The following SEC14L4 variants were observed in gnomAD, a reference collection of about 807,000 sequenced individuals.
SEC14L4 encodes SEC14 like lipid binding 4, also known as SEC14-like protein 4.
In SEC14L4, 42 loss-of-function variants were observed where a neutral mutation model predicts 55.1. The observed-to-expected ratio is 0.76, with a 90% CI of 0.60 to 0.99. The LOEUF is 0.99. SEC14L4 is among the 50% of genes least tolerant of loss of function. The probability of loss-of-function intolerance (pLI) is 0.00; values close to 1 mark genes in which losing one functional copy is unlikely to be tolerated. For missense variants in SEC14L4, 445 were observed against 512.1 expected (o/e 0.87, Z 1.27); for synonymous variants, 206 against 206.8 (o/e 1.00, Z 0.03).
chr22:30,498,979 C>T (rs796704101), intron 2 of SEC14L4, among the ~76,000 whole-genome samples: 22 of 151,856 alleles, frequency 1.4e-4, no homozygotes, highest in African/African-American at 5.1e-4. Flanking sequence ...CTCGCTCTGT[C>T]GCCCAGGCTG....
chr22:30,490,277 C>G, intron 11 of SEC14L4, 31 bp from the exon 12 acceptor site: 1 of 1,608,950 alleles, frequency 6.2e-7, no homozygotes, highest in Non-Finnish European at 8.5e-7. Flanking sequence ...TCAGGGAGCA[C>G]AAACCCCGCA....
chr22:30,494,515 G>C (rs1232818139), intron 6 of SEC14L4, among the ~76,000 whole-genome samples: 4 of 152,060 alleles, frequency 2.6e-5, no homozygotes, highest in Non-Finnish European at 5.9e-5. Flanking sequence ...CTACAGGCAC[G>C]TGCCACTGCA....
chr22:30,493,659 A>G lies in SEC14L4; in HGVS notation c.580+491T>C, dbSNP rs73168672. ...TGACATTGCTGAAACATACCAGTGCATGATTTTGTATATTACAAAAATATC... is the reference window on the plus strand; with the variant it reads ...TGACATTGCTGAAACATACCAGTGCGTGATTTTGTATATTACAAAAATATC... On this transcript the variant is annotated intron_variant, in intron 7 of 11. Transcript: ENST00000255858. Among the ~76,000 whole-genome samples the G allele has an allele frequency of 9.0e-3, 1,367 of 152,352 alleles. 14 individuals carry two copies. Among genetic ancestry groups the G allele is most frequent in the Non-Finnish European group, 0.014 (951 of 68,040 alleles).
At chr22:30,497,204 C>T (rs538385303) in intron 2 of SEC14L4, among the ~76,000 whole-genome samples, 7 of 152,152 alleles carry the variant, frequency 4.6e-5, no homozygotes, top group Admixed American at 2.0e-4. Context: ...CTGGGCATGG[C>T]GGCAGGTGCC....
Position 30,495,968 on chromosome 22 carries a change from C to T in SEC14L4, c.134G>A (p.Arg45Gln), listed in dbSNP as rs776503239. ...TTCGGATTTCTGCAGGTCAAAGTTTCGAGCTGCAAGAAGAGGAGGTAAATA... is the reference window on the plus strand; with the variant it reads ...TTCGGATTTCTGCAGGTCAAAGTTTTGAGCTGCAAGAAGAGGAGGTAAATA... ...DYFLLRWLRA[R>Q]NFDLQKSEDM... is the part of the protein sequence containing the mutation. The change falls in exon 3 of 12, where the codon CGA becomes CAA. Residue 45 changes from arginine (R) to glutamine (Q), a missense_variant. Coordinates refer to ENST00000255858, the MANE Select transcript of SEC14L4 (RefSeq NM_174977.4). 7.4e-6 allele frequency: 12 copies of T among 1,613,580 alleles called. No individual in the cohort carries two copies. Among genetic ancestry groups the T allele is most frequent in the African/African-American group, 5.3e-5 (4 of 74,904 alleles).
intron 2 of SEC14L4, 39 bp from the exon 3 acceptor site, chr22:30,496,010 T>A (rs1290469884): frequency 1.3e-6 from 2 of 1,597,406 alleles, no homozygotes; most frequent in East Asian, 2.2e-5. Flanking sequence ...CAAGGCTAGA[T>A]CCAGAAAGAG....
intron 1 of SEC14L4, among the ~76,000 whole-genome samples, chr22:30,504,017 A>G (rs1174761210): frequency 6.8e-6 from 1 of 146,232 alleles, no homozygotes; most frequent in East Asian, 2.0e-4. Flanking sequence ...TGGCATCCTT[A>G]TTTTTAATTT....
At chr22:30,500,159 C>T (rs556440852) in intron 2 of SEC14L4, among the ~76,000 whole-genome samples, 1 of 151,918 alleles carries the variant, frequency 6.6e-6, no homozygotes, top group East Asian at 1.9e-4. Flanking sequence ...CATGAGCCAC[C>T]GCGCCCGGCC....
intron 2 of SEC14L4, among the ~76,000 whole-genome samples, chr22:30,501,743 G>A (rs549922835): frequency 6.6e-6 from 1 of 151,266 alleles, no homozygotes; most frequent in African/African-American, 2.4e-5. Context: ...GGAAAACTAG[G>A]TGCAGAGTAT....
At position 30,494,872 on chromosome 22, in the gene SEC14L4, G is replaced by A; in HGVS notation, c.513C>T (p.Tyr171=). ...AGCCAGCCACCCACCTTACCTGCTGGTAGACCTCCACAGCTGGCTTCCACA... is the reference window on the plus strand; with the variant it reads ...AGCCAGCCACCCACCTTACCTGCTGATAGACCTCCACAGCTGGCTTCCACA... ...KHLWKPAVEV[Y]QQFFSILEAN... is the part of the protein sequence containing the mutation. Residue 171 remains tyrosine, a synonymous_variant, in exon 6 of 12, where the codon TAC becomes TAT. Coordinates refer to ENST00000255858, the MANE Select transcript of SEC14L4 (RefSeq NM_174977.4). 1 of 1,612,344 alleles carries A rather than the reference G, an allele frequency of 6.2e-7. No homozygotes were observed.
At position 30,495,932 on chromosome 22, in the gene SEC14L4, C is replaced by A; in HGVS notation, c.170G>T (p.Arg57Leu). Residue 57 changes from arginine (R) to leucine (L), a missense_variant, in exon 3 of 12, where the codon CGA becomes CTA. Transcript: ENST00000255858. ...FDLQKSEDMLRRHMEFRKQQD... is the reference protein window; with the variant it reads ...FDLQKSEDMLLRHMEFRKQQD... ...GTAGGGATCACAGATCCTTACCCTT[C>A]GGAGCATGTCTTCGGATTTCTGCAG... The A allele has an allele frequency of 6.2e-7, 1 of 1,613,960 alleles. No individual in the cohort carries two copies. Among genetic ancestry groups the A allele is most frequent in the Non-Finnish European group, 8.5e-7 (1 of 1,179,932 alleles).
chr22:30,499,497 G>A (rs1208976953), intron 2 of SEC14L4, among the ~76,000 whole-genome samples: 2 of 151,548 alleles, frequency 1.3e-5, no homozygotes, highest in Admixed American at 6.6e-5. Flanking sequence ...CAGCACTTTC[G>A]GAGGCCAAGG....
chr22:30,494,776 A>G (rs1017153530), intron 6 of SEC14L4, 90 bp downstream of exon 6: 3 of 841,432 alleles, frequency 3.6e-6, no homozygotes, highest in Admixed American at 3.6e-5. Context: ...CCACCCCTCT[A>G]TCTCACTGGA....
rs754750771 is a variant in SEC14L4 at position 30,495,398 on chromosome 22, G to A, written c.279C>T (p.Tyr93=). The A allele has an allele frequency of 4.2e-5, 67 of 1,613,854 alleles. No homozygotes were observed. The highest frequency in any genetic ancestry group is 1.0e-4 in the Admixed American group (6 of 59,986). The change falls in exon 5 of 12, where the codon TAC becomes TAT. Residue 93 remains tyrosine, a synonymous_variant. Coordinates refer to ENST00000255858, the MANE Select transcript of SEC14L4 (RefSeq NM_174977.4). ...YDSGGLCGYD[Y]EGCPVYFNII... Reference sequence around the variant, plus strand: ...TGTTGAAGTACACAGGGCAGCCTTCGTAGTCGTAGCCACAAAGACCACCCG... The same window carrying A: ...TGTTGAAGTACACAGGGCAGCCTTCATAGTCGTAGCCACAAAGACCACCCG...
At chr22:30,500,641 C>T (rs1031111737) in intron 2 of SEC14L4, among the ~76,000 whole-genome samples, 3 of 151,016 alleles carry the variant, frequency 2.0e-5, no homozygotes, top group African/African-American at 7.3e-5. Flanking sequence ...GCCAGGATTA[C>T]AGGAGTGAGC....
Position 30,489,512 on chromosome 22 carries a change from T to G in SEC14L4, c.*595A>C. On this transcript the variant is annotated 3_prime_UTR_variant, in exon 12 of 12. Coordinates refer to ENST00000255858, the MANE Select transcript of SEC14L4 (RefSeq NM_174977.4). ...AACTCAGCCTCCCAAACTGCTGGGA[T>G]TATAGGCGTGAGCCACCACGCCCAG... The G allele has an allele frequency of 8.2e-6, 3 of 365,052 alleles. No individual in the cohort carries two copies. The highest frequency in any genetic ancestry group is 1.0e-5 in the Non-Finnish European group (2 of 198,424). The allele number at this position is 365,052 out of a possible 1,614,324, so 22.6% of individuals were successfully genotyped here.
At chr22:30,499,858 G>A (rs1163428018) in intron 2 of SEC14L4, among the ~76,000 whole-genome samples, 1 of 151,724 alleles carries the variant, frequency 6.6e-6, no homozygotes, top group Non-Finnish European at 1.5e-5. Context: ...GAATTCGTAT[G>A]AGCTAGAAAT....
At chr22:30,494,338 G>T in intron 6 of SEC14L4, 128 bp from the exon 7 acceptor site, 1 of 723,074 alleles carries the variant, frequency 1.4e-6, no homozygotes, top group Non-Finnish European at 2.5e-6. Context: ...CCACAAGCAT[G>T]TGCCTCTTCC....
intron 2 of SEC14L4, among the ~76,000 whole-genome samples, chr22:30,500,578 GCTGGT>G (rs894156137): frequency 6.6e-6 from 1 of 150,954 alleles, no homozygotes; most frequent in African/African-American, 2.4e-5. Flanking sequence ...TGTTGCCCAG[GCTGGT>G]CTTGAACTCC....
Sources: allele counts gnomAD v4.1 joint callset (sites outside exome capture counted in the v4.1 genomes callset), GRCh38; gene constraint gnomAD v4.1.1; transcripts MANE v1.5; gene names NCBI Gene and HGNC (gene_info 2026-07-23, HGNC 2026-07-21).